CTNNA2: variants seen among roughly 807,000 people sequenced by gnomAD.
CTNNA2 encodes catenin alpha 2.
Under a neutral mutation model 101.0 loss-of-function variants are expected in CTNNA2, and 42 were observed. That is an observed-to-expected ratio of 0.42 (90% CI 0.32 to 0.54). CTNNA2 has a LOEUF of 0.54. Ranked by LOEUF, CTNNA2 falls within the 20% of genes least tolerant of loss-of-function variation. The pLI, the probability that CTNNA2 is intolerant of heterozygous loss-of-function variation, is 0.14. For synonymous variants in CTNNA2, 450 were observed against 456.4 expected, an observed-to-expected ratio of 0.99 and a Z score of 0.18; for missense variants, 871 against 1,223.1, an observed-to-expected ratio of 0.71 and a Z score of 4.29.
intron 2 of CTNNA2, among the ~76,000 whole-genome samples, chr2:79,284,952 T>G (rs1230253840): frequency 8.2e-6 from 1 of 121,722 alleles, no homozygotes; most frequent in Non-Finnish European, 1.7e-5. Context: ...GTTATTGGTC[T>G]ATTCAGAGAT....
intron 4 of CTNNA2, among the ~76,000 whole-genome samples, chr2:79,411,647 G>T (rs926820105): frequency 6.6e-6 from 1 of 152,024 alleles, no homozygotes; most frequent in African/African-American, 2.4e-5. Context: ...GCCAAACTAA[G>T]CTTCATAAGT....
chr2:80,300,279 GGGGTGTGTGTGTGT>G (rs199516707), intron 7 of CTNNA2, among the ~76,000 whole-genome samples: 25,499 of 127,940 alleles, frequency 0.2, 2,371 homozygotes, highest in East Asian at 0.31. Context: ...CTGGGGTGTT[GGGGTGTGTGTGTGT>G]GTGTGTGTGT....
rs139928050 is a variant in CTNNA2, at chr2:79,320,690, G to A, written c.-318+7894G>A. Among the ~76,000 whole-genome samples the A allele has an allele frequency of 4.5e-4, 68 of 152,208 alleles. No homozygotes were observed. In the Middle Eastern group the frequency reaches 0.017, roughly 38 times the overall value. Reference sequence around the variant, plus strand: ...TGTGTGAGATGATCACAGGCTTTGCGCAGAGGAACTGTGAGCATGGATCAG... The same window carrying A: ...TGTGTGAGATGATCACAGGCTTTGCACAGAGGAACTGTGAGCATGGATCAG... On this transcript the variant is annotated intron_variant, in intron 3 of 21. Transcript: ENST00000466387.
rs75994860 is a variant in CTNNA2, at chr2:79,479,576, C to A, written c.-134-25478C>A. On this transcript the variant is annotated intron_variant, in intron 4 of 21. Transcript: ENST00000466387. ...TAGACAATGCTGGGTTATCATCAAGCATTTCATACTGCAAATATAAAACCA... is the reference window on the plus strand; with the variant it reads ...TAGACAATGCTGGGTTATCATCAAGAATTTCATACTGCAAATATAAAACCA... Among the ~76,000 whole-genome samples the A allele has an allele frequency of 8.2e-3, 1,252 of 152,282 alleles. 17 individuals carry two copies. Among genetic ancestry groups the A allele is most frequent in the African/African-American group, 0.027 (1,113 of 41,552 alleles).
At chr2:79,895,233 A>G (rs1039099112) in intron 6 of CTNNA2, among the ~76,000 whole-genome samples, 1 of 152,272 alleles carries the variant, frequency 6.6e-6, no homozygotes, top group Admixed American at 6.5e-5. Context: ...GAAGCAATTA[A>G]CATATCACAC....
intron 7 of CTNNA2, among the ~76,000 whole-genome samples, chr2:80,341,087 T>G (rs1001529190): frequency 6.6e-6 from 1 of 151,998 alleles, no homozygotes; most frequent in African/African-American, 2.4e-5. Context: ...GGAGTTGGGG[T>G]GCACCTCCCC....
chr2:80,260,017 T>G (rs2149121065), intron 7 of CTNNA2, among the ~76,000 whole-genome samples: 2 of 152,320 alleles, frequency 1.3e-5, no homozygotes. Context: ...CTGTGTTGAT[T>G]AGTTTTCACA....
intron 3 of CTNNA2, among the ~76,000 whole-genome samples, chr2:79,812,131 A>AT (rs1318124458): frequency 6.6e-6 from 1 of 152,110 alleles, no homozygotes; most frequent in Non-Finnish European, 1.5e-5. Flanking sequence ...TTCCAATGTC[A>AT]TTTTTTGTAG....
chr2:79,754,695 A>G (rs574976413), intron 3 of CTNNA2, among the ~76,000 whole-genome samples: 3 of 152,132 alleles, frequency 2.0e-5, no homozygotes, highest in Non-Finnish European at 4.4e-5. Context: ...TGAATACTTG[A>G]GTCTCCTAGG....
chr2:79,920,602 T>G (rs1686586369), intron 7 of CTNNA2, among the ~76,000 whole-genome samples: 1 of 152,224 alleles, frequency 6.6e-6, no homozygotes, highest in Non-Finnish European at 1.5e-5. Context: ...TCACATAGCT[T>G]GGAACCCAAT....
chr2:79,882,450 A>T (rs866861807), intron 6 of CTNNA2, among the ~76,000 whole-genome samples: 1 of 152,138 alleles, frequency 6.6e-6, no homozygotes, highest in African/African-American at 2.4e-5. Flanking sequence ...CCCAATGAGG[A>T]TGGATGGGTC....
At chr2:80,293,588 T>C (rs560376681) in intron 7 of CTNNA2, among the ~76,000 whole-genome samples, 2 of 152,276 alleles carry the variant, frequency 1.3e-5, no homozygotes, top group South Asian at 4.1e-4. Flanking sequence ...CCTGGCCAAA[T>C]GTATGCTACC....
At chr2:80,217,084 G>C (rs569988688) in intron 7 of CTNNA2, among the ~76,000 whole-genome samples, 1 of 151,772 alleles carries the variant, frequency 6.6e-6, no homozygotes, top group African/African-American at 2.4e-5. Context: ...TGCCCACCTC[G>C]GCCTCCCAAA....
At chr2:79,928,435 A>G (rs552292542) in intron 7 of CTNNA2, among the ~76,000 whole-genome samples, 38 of 152,228 alleles carry the variant, frequency 2.5e-4, no homozygotes, top group Non-Finnish European at 5.1e-4. Context: ...TATACCTTGT[A>G]GTGTCCAGAA....
intron 7 of CTNNA2, among the ~76,000 whole-genome samples, chr2:80,233,507 T>C (rs1249094944): frequency 6.6e-6 from 1 of 152,176 alleles, no homozygotes; most frequent in Non-Finnish European, 1.5e-5. Flanking sequence ...TTCCCCCTTC[T>C]ATCAGTCCCC....
At chr2:79,294,173 G>A (rs1181127048) in intron 2 of CTNNA2, among the ~76,000 whole-genome samples, 1 of 148,380 alleles carries the variant, frequency 6.7e-6, no homozygotes, top group Non-Finnish European at 1.5e-5. Context: ...ATGGCAGACA[G>A]AGAGAGAGAG....
intron 1 of CTNNA2, among the ~76,000 whole-genome samples, chr2:79,596,647 G>A (rs1234528071): frequency 1.3e-5 from 2 of 152,156 alleles, no homozygotes; most frequent in African/African-American, 4.8e-5. Context: ...GCAAAAGAAA[G>A]GCGAGAGCTT....
chr2:80,552,598 C>T (rs1350048346), intron 11 of CTNNA2, among the ~76,000 whole-genome samples: 5 of 152,008 alleles, frequency 3.3e-5, no homozygotes, highest in African/African-American at 1.2e-4. Context: ...GGAAATGCAT[C>T]GTTGGGCAAT....
At chr2:79,615,458 A>C (rs1035898015) in intron 1 of CTNNA2, among the ~76,000 whole-genome samples, 2 of 152,216 alleles carry the variant, frequency 1.3e-5, no homozygotes, top group African/African-American at 4.8e-5. Context: ...CTAAAATTTC[A>C]TTTACAGTGG....
Sources: gnomAD v4.1 joint callset for allele counts (sites outside exome capture counted in the v4.1 genomes callset) on GRCh38, gnomAD v4.1.1 for gene constraint, MANE v1.5 for transcripts, NCBI Gene and HGNC (gene_info 2026-07-23, HGNC 2026-07-21) for gene names.